LRMDA: variants seen among roughly 807,000 people sequenced by gnomAD.
LRMDA encodes leucine rich melanocyte differentiation associated.
Under a neutral mutation model 29.8 loss-of-function variants are expected in LRMDA, and 18 were observed. The ratio of observed to expected loss-of-function variants is 0.60; its 90% confidence interval spans 0.42 to 0.90. The LOEUF is 0.90. LRMDA is among the 40% of genes least tolerant of loss of function. The pLI, the probability that LRMDA is intolerant of heterozygous loss-of-function variation, is 0.00. For synonymous variants in LRMDA, 125 were observed against 109.4 expected, an observed-to-expected ratio of 1.14 and a Z score of -0.89; for missense variants, 273 against 273.9, an observed-to-expected ratio of 1.00 and a Z score of 0.02.
At chr10:76,495,634 C>T (rs556970273) in intron 6 of LRMDA, among the ~76,000 whole-genome samples, 2 of 151,742 alleles carry the variant, frequency 1.3e-5, no homozygotes, top group African/African-American at 4.8e-5. Context: ...ACATGGTATA[C>T]CTCTTCTTGT....
chr10:76,478,518 A>G (rs1312287469), intron 6 of LRMDA, among the ~76,000 whole-genome samples: 1 of 152,112 alleles, frequency 6.6e-6, no homozygotes, highest in African/African-American at 2.4e-5. Context: ...AACTAGAAAT[A>G]TCATTTGACC....
At chr10:76,258,873 A>G (rs970751780) in intron 5 of LRMDA, among the ~76,000 whole-genome samples, 1 of 152,052 alleles carries the variant, frequency 6.6e-6, no homozygotes, top group Non-Finnish European at 1.5e-5. Flanking sequence ...CCGTTGTTGG[A>G]TACCTAGGCT....
intron 6 of LRMDA, among the ~76,000 whole-genome samples, chr10:76,395,277 A>C (rs1036480825): frequency 6.6e-6 from 1 of 152,186 alleles, no homozygotes; most frequent in Non-Finnish European, 1.5e-5. Context: ...ACCCCATTGT[A>C]TCCTTGGCTG....
At chr10:76,428,796 G>A (rs1490083030) in intron 6 of LRMDA, among the ~76,000 whole-genome samples, 1 of 152,116 alleles carries the variant, frequency 6.6e-6, no homozygotes, top group Non-Finnish European at 1.5e-5. Context: ...ACCATATTCA[G>A]GACTGCTAAA....
At chr10:75,871,624 C>T (rs939560687) in intron 2 of LRMDA, among the ~76,000 whole-genome samples, 3 of 152,096 alleles carry the variant, frequency 2.0e-5, no homozygotes, top group Non-Finnish European at 2.9e-5. Flanking sequence ...TTCCTGCCCC[C>T]GTGTCCTCTC....
intron 6 of LRMDA, among the ~76,000 whole-genome samples, chr10:76,370,141 T>C (rs1328131431): frequency 1.3e-5 from 2 of 151,884 alleles, no homozygotes; most frequent in Non-Finnish European, 2.9e-5. Flanking sequence ...AAAGTAGTAA[T>C]AGGGCTTGTG....
chr10:75,458,950 G>C (rs750727655), intron 2 of LRMDA, among the ~76,000 whole-genome samples: 4 of 151,298 alleles, frequency 2.6e-5, no homozygotes, highest in Non-Finnish European at 5.9e-5. Flanking sequence ...TGCAATTTCT[G>C]ATCTACCTTG....
chr10:75,967,986 C>T (rs1233350107), intron 2 of LRMDA, among the ~76,000 whole-genome samples: 1 of 152,122 alleles, frequency 6.6e-6, no homozygotes, highest in East Asian at 1.9e-4. Context: ...TGTGGGTATT[C>T]CTTAGATTAA....
chr10:76,133,834 T>C (rs966942702), intron 5 of LRMDA, among the ~76,000 whole-genome samples: 3 of 151,422 alleles, frequency 2.0e-5, no homozygotes, highest in Non-Finnish European at 2.9e-5. Flanking sequence ...CACACTGAAG[T>C]TGGGGATGGG....
chr10:76,529,845 T>C (rs1219804746), intron 6 of LRMDA, among the ~76,000 whole-genome samples: 1 of 152,154 alleles, frequency 6.6e-6, no homozygotes, highest in East Asian at 1.9e-4. Flanking sequence ...GTCACTAATT[T>C]CTGAAGCTAC....
intron 6 of LRMDA, among the ~76,000 whole-genome samples, chr10:76,456,453 G>T (rs1379613389): frequency 6.6e-6 from 1 of 152,148 alleles, no homozygotes; most frequent in Admixed American, 6.5e-5. Flanking sequence ...TGGCTCCAGA[G>T]CACATGACTC....
intron 2 of LRMDA, among the ~76,000 whole-genome samples, chr10:75,876,148 G>A (rs911130281): frequency 6.6e-6 from 1 of 152,244 alleles, no homozygotes; most frequent in Non-Finnish European, 1.5e-5. Context: ...ATTGGACCTG[G>A]TAGCAGGACA....
intron 5 of LRMDA, among the ~76,000 whole-genome samples, chr10:76,278,614 A>G (rs1840165510): frequency 6.6e-6 from 1 of 152,214 alleles, no homozygotes; most frequent in Non-Finnish European, 1.5e-5. Flanking sequence ...CTTTGTTAGT[A>G]GCACTCAGAC....
At position 76,335,687 on chromosome 10, in the gene LRMDA, G is replaced by A. The variant is rs527559540; in HGVS notation, c.601+11202G>A. ...AGTGGGGGGAGCTTCCAGGTTATAGGTAGATTTAAAATTTTTCTGATTGGC... is the reference window on the plus strand; with the variant it reads ...AGTGGGGGGAGCTTCCAGGTTATAGATAGATTTAAAATTTTTCTGATTGGC... On this transcript the variant is annotated intron_variant, in intron 6 of 6. Transcript: ENST00000611255. 2.6e-5 allele frequency among the ~76,000 whole-genome samples: 4 copies of A among 152,248 alleles called. No individual in the cohort carries two copies. In the South Asian group the frequency reaches 8.3e-4, roughly 32 times the overall value.
chr10:76,451,524 G>C (rs530759017), intron 6 of LRMDA, among the ~76,000 whole-genome samples: 12 of 151,592 alleles, frequency 7.9e-5, no homozygotes, highest in African/African-American at 2.9e-4. Flanking sequence ...CATTTTTATA[G>C]ACTTTTATTG....
At chr10:76,386,347 T>C (rs1276594304) in intron 6 of LRMDA, among the ~76,000 whole-genome samples, 1 of 152,230 alleles carries the variant, frequency 6.6e-6, no homozygotes, top group Non-Finnish European at 1.5e-5. Flanking sequence ...TTAGACCCTC[T>C]ATCTCTCAAA....
intron 5 of LRMDA, among the ~76,000 whole-genome samples, chr10:76,196,017 C>G (rs532869278): frequency 6.6e-6 from 1 of 152,110 alleles, no homozygotes; most frequent in African/African-American, 2.4e-5. Context: ...TGCATGAAAA[C>G]GATAGTTAAT....
chr10:75,675,958 G>A (rs1470631211), intron 2 of LRMDA, among the ~76,000 whole-genome samples: 1 of 152,158 alleles, frequency 6.6e-6, no homozygotes, highest in Non-Finnish European at 1.5e-5. Context: ...TCTCCCTGCT[G>A]GATTGGATAG....
intron 5 of LRMDA, among the ~76,000 whole-genome samples, chr10:76,108,270 G>A (rs1241090436): frequency 1.3e-5 from 2 of 152,126 alleles, no homozygotes; most frequent in African/African-American, 4.8e-5. Context: ...AGTCACTGGG[G>A]CAGCTACCCT....
Sources: gnomAD v4.1 joint callset for allele counts (sites outside exome capture counted in the v4.1 genomes callset) on GRCh38, gnomAD v4.1.1 for gene constraint, MANE v1.5 for transcripts, NCBI Gene and HGNC (gene_info 2026-07-23, HGNC 2026-07-21) for gene names.